Variants in TET3 observed in about 807,000 individuals in gnomAD.
The protein encoded by TET3 is methylcytosine dioxygenase TET3.
In TET3, 19 loss-of-function variants were observed where a neutral mutation model predicts 141.4. That is an observed-to-expected ratio of 0.13 (90% CI 0.09 to 0.20). The LOEUF (loss-of-function observed/expected upper bound fraction) is 0.20. Ranked by LOEUF, TET3 falls within the 10% of genes least tolerant of loss-of-function variation. The pLI is 1.00. For missense variants in TET3, 1,874 were observed against 2,356.9 expected (o/e 0.80, Z 4.24); for synonymous variants, 1,043 against 980.9 (o/e 1.06, Z -1.18).
intron 2 of TET3, among the ~76,000 whole-genome samples, chr2:73,988,026 T>C (rs1226475532): frequency 2.0e-5 from 3 of 152,222 alleles, no homozygotes; most frequent in Admixed American, 6.5e-5. Flanking sequence ...AAGCTGTATG[T>C]CCTGACCCAG....
intron 7 of TET3, 111 bp from the exon 8 acceptor site, chr2:74,089,786 G>A: frequency 7.1e-7 from 1 of 1,409,230 alleles, no homozygotes; most frequent in Non-Finnish European, 9.7e-7. Context: ...CTCAGTCACT[G>A]GGAGGCTGGT....
intron 6 of TET3, among the ~76,000 whole-genome samples, chr2:74,080,800 C>T (rs1047962477): frequency 1.3e-5 from 2 of 152,182 alleles, no homozygotes; most frequent in African/African-American, 4.8e-5. Flanking sequence ...TTTCCCCCAG[C>T]CTCAGCTGTT....
chr2:73,992,937 A>C (rs1684408534), intron 2 of TET3, among the ~76,000 whole-genome samples: 1 of 152,202 alleles, frequency 6.6e-6, no homozygotes, highest in Non-Finnish European at 1.5e-5. Context: ...TAAATAAATG[A>C]TGGCATCTCC....
At chr2:74,041,193 A>G (rs1687320413) in intron 3 of TET3, among the ~76,000 whole-genome samples, 2 of 152,182 alleles carry the variant, frequency 1.3e-5, no homozygotes, top group Admixed American at 6.5e-5. Context: ...TCTTCCCTAG[A>G]TGGAACCTAA....
intron 4 of TET3, among the ~76,000 whole-genome samples, chr2:74,059,135 C>T (rs1688364375): frequency 6.6e-6 from 1 of 152,202 alleles, no homozygotes; most frequent in Non-Finnish European, 1.5e-5. Flanking sequence ...TTTGCCTGTT[C>T]TTGAACTTCA....
intron 4 of TET3, among the ~76,000 whole-genome samples, chr2:74,052,425 G>A (rs73951131): frequency 0.012 from 1,901 of 152,236 alleles, 38 homozygotes; most frequent in African/African-American, 0.043. Context: ...GGTAGGTAGA[G>A]AGTTATAGGT....
chr2:74,057,529 G>A (rs1274584214), intron 4 of TET3, among the ~76,000 whole-genome samples: 1 of 152,212 alleles, frequency 6.6e-6, no homozygotes, highest in Non-Finnish European at 1.5e-5. Flanking sequence ...CAGGAGTAAG[G>A]AAATTCTGCC....
In TET3 at chr2:74,101,225, C is replaced by T. The variant is rs780239238; in HGVS notation, c.4437C>T (p.Cys1479=). ...PDKLSSFGAS[C]LAPSHFTDGQ... ...AGCTCAGTTCCTTTGGGGCCAGCTG[C>T]CTGGCCCCTTCCCACTTCACAGATG... Residue 1479 remains cysteine, a synonymous_variant, in exon 12 of 12, where the codon TGC becomes TGT. Transcript: ENST00000409262. The surrounding 1 kb of genome is among the most constrained non-coding windows in gnomAD (Gnocchi z 8.5). 26 of 1,612,802 alleles carry T rather than the reference C, an allele frequency of 1.6e-5. No homozygotes were observed. The Admixed American group carries it at 4.0e-4, about 25-fold the overall frequency.
At chr2:74,049,995 A>G (rs1687859850) in intron 4 of TET3, among the ~76,000 whole-genome samples, 1 of 152,018 alleles carries the variant, frequency 6.6e-6, no homozygotes, top group Non-Finnish European at 1.5e-5. Flanking sequence ...TGTTTTGATC[A>G]TGGGGTCCGC....
At chr2:74,041,949 G>A (rs1232034335) in intron 3 of TET3, among the ~76,000 whole-genome samples, 1 of 152,104 alleles carries the variant, frequency 6.6e-6, no homozygotes, top group Non-Finnish European at 1.5e-5. Flanking sequence ...TTGGCACCTG[G>A]TTCTGTCACT....
Position 74,087,796 on chromosome 2 carries a change from T to C in TET3, c.2680-34T>C. On this transcript the variant is annotated intron_variant, in intron 6 of 11. Coordinates refer to ENST00000409262, the MANE Select transcript of TET3 (RefSeq NM_001287491.2). This position sits in a 1 kb window ranked among gnomAD's most constrained non-coding sequence, Gnocchi z 4.3. ...CACCATGCAGAGGAGCACGGGTACC[T>C]GGCTCCTGCCCCTCACACCCTGCGT... The C allele has an allele frequency of 6.6e-7, 1 of 1,521,696 alleles. No individual in the cohort carries two copies. Among genetic ancestry groups the C allele is most frequent in the Non-Finnish European group, 8.9e-7 (1 of 1,128,866 alleles). 94.3% of individuals were successfully genotyped at this position (1,521,696 alleles called of 1,614,324 possible).
At position 74,105,354 on chromosome 2, in the gene TET3, T is replaced by C. The variant is rs1691436141; in HGVS notation, c.*3178T>C. 2.5e-6 allele frequency: 1 copy of C among 398,502 alleles called. No individual in the cohort carries two copies. Among genetic ancestry groups the C allele is most frequent in the Non-Finnish European group, 4.4e-6 (1 of 226,076 alleles). 24.7% of individuals were successfully genotyped at this position (398,502 alleles called of 1,614,324 possible). A position where few individuals can be genotyped will look rare whatever the true frequency, so the allele number is the denominator to read the frequency against. ...CCCTGCCTGTTGCGTGCAAGGGAAG[T>C]GCTTGTAAAGTTCTGTGCTACGAGA... is the stretch of plus-strand genomic sequence containing the variant. On this transcript the variant is annotated 3_prime_UTR_variant, in exon 12 of 12. Coordinates refer to ENST00000409262, the MANE Select transcript of TET3 (RefSeq NM_001287491.2).
At chr2:74,124,630 A>G in the TET3 span, among the ~76,000 whole-genome samples, 2 of 152,218 alleles carry the variant, frequency 1.3e-5, no homozygotes, top group African/African-American at 4.8e-5. Flanking sequence ...CTTACCCCCA[A>G]CCCCGTGCTC....
At chr2:74,134,053 T>C in the TET3 span, among the ~76,000 whole-genome samples, 1 of 152,146 alleles carries the variant, frequency 6.6e-6, no homozygotes, top group Admixed American at 6.5e-5. Flanking sequence ...TATTCTGTTC[T>C]TTAGAAGATC....
At chr2:74,096,122 CTT>C (rs1264413490) in intron 10 of TET3, among the ~76,000 whole-genome samples, 9 of 152,070 alleles carry the variant, frequency 5.9e-5, no homozygotes, top group Non-Finnish European at 1.3e-4. Context: ...TAAAGTATCT[CTT>C]GTAGGAAATA....
intron 3 of TET3, among the ~76,000 whole-genome samples, chr2:74,023,262 C>G (rs1019839929): frequency 1.3e-5 from 2 of 152,028 alleles, no homozygotes; most frequent in Non-Finnish European, 2.9e-5. Flanking sequence ...AATTTCGAGA[C>G]AAGGTCTTGC....
chr2:74,043,127 G>A (rs952397664), intron 3 of TET3, among the ~76,000 whole-genome samples: 3 of 152,086 alleles, frequency 2.0e-5, no homozygotes, highest in African/African-American at 7.2e-5. Context: ...TGCTACTCTC[G>A]GGTGTTTCTT....
intron 4 of TET3, among the ~76,000 whole-genome samples, chr2:74,061,335 CA>C (rs1688535014): frequency 7.4e-6 from 1 of 136,002 alleles, no homozygotes; most frequent in African/African-American, 2.8e-5. Flanking sequence ...AGGCGCCCCT[CA>C]CCTCCCGGAC....
chr2:74,106,504 CT>C lies in TET3; in HGVS notation c.*4329del, dbSNP rs1558805131. On this transcript the variant is annotated 3_prime_UTR_variant, in exon 12 of 12. Coordinates refer to ENST00000409262, the MANE Select transcript of TET3 (RefSeq NM_001287491.2). ...AGACCAGATGGATCTCCTTCCTCCCCTGGCACTGGCTGGGACCATGGTGGGC... is the reference window on the plus strand; with the variant it reads ...AGACCAGATGGATCTCCTTCCTCCCCGGCACTGGCTGGGACCATGGTGGGC... 2.0e-5 allele frequency: 3 copies of C among 153,822 alleles called. No individual in the cohort carries two copies. The highest frequency in any genetic ancestry group is 4.4e-5 in the Non-Finnish European group (3 of 68,090). The allele number at this position is 153,822 out of a possible 1,614,324, so 9.5% of individuals were successfully genotyped here.
Sources: allele counts gnomAD v4.1 joint callset (sites outside exome capture counted in the v4.1 genomes callset), GRCh38; gene constraint gnomAD v4.1.1; non-coding constraint Gnocchi (gnomAD v3.1); transcripts MANE v1.5; gene names NCBI Gene and HGNC (gene_info 2026-07-23, HGNC 2026-07-21).